The following EPHA5 variants were observed in gnomAD, a reference collection of about 807,000 sequenced individuals.
EPHA5 encodes the protein ephrin type-A receptor 5.
In EPHA5, 60 loss-of-function variants were observed where a neutral mutation model predicts 105.0. The ratio of observed to expected loss-of-function variants is 0.57; its 90% CI spans 0.46 to 0.71. The LOEUF (loss-of-function observed/expected upper bound fraction) is 0.71. EPHA5 is among the 30% of genes least tolerant of loss of function. The pLI, the probability that EPHA5 is intolerant of heterozygous loss-of-function variation, is 0.00. For missense variants in EPHA5, 1,218 were observed against 1,274.7 expected, an observed-to-expected ratio of 0.96 and a Z score of 0.68; for synonymous variants, 513 against 449.1, an observed-to-expected ratio of 1.14 and a Z score of -1.80.
At chr4:65,497,248 T>A (rs1578256362) in intron 3 of EPHA5, among the ~76,000 whole-genome samples, 1 of 152,278 alleles carries the variant, frequency 6.6e-6, no homozygotes, top group East Asian at 1.9e-4. Flanking sequence ...TGGGGCCAAC[T>A]TTCATATTCT....
intron 7 of EPHA5, among the ~76,000 whole-genome samples, chr4:65,413,674 A>G (rs1421712735): frequency 6.6e-6 from 1 of 152,202 alleles, no homozygotes; most frequent in African/African-American, 2.4e-5. Flanking sequence ...CTGTCTTCGA[A>G]TTCTTCTTTC....
intron 3 of EPHA5, among the ~76,000 whole-genome samples, chr4:65,557,898 G>A (rs1183561007): frequency 6.7e-6 from 1 of 148,354 alleles, no homozygotes; most frequent in African/African-American, 2.5e-5. Context: ...TTTTTTTTTA[G>A]ACGGAGTCTA....
intron 14 of EPHA5, among the ~76,000 whole-genome samples, chr4:65,347,215 T>G (rs1722306420): frequency 6.6e-6 from 1 of 152,170 alleles, no homozygotes; most frequent in Admixed American, 6.5e-5. Flanking sequence ...ATTATTAAAT[T>G]AAAACTGTTC....
intron 5 of EPHA5, among the ~76,000 whole-genome samples, chr4:65,440,499 TACACACAC>T (rs71657410): frequency 1.4e-5 from 2 of 143,434 alleles, no homozygotes; most frequent in African/African-American, 2.6e-5. Flanking sequence ...TCCTAAATCT[TACACACAC>T]ACACACACAC....
intron 2 of EPHA5, among the ~76,000 whole-genome samples, chr4:65,605,465 T>C (rs971747505): frequency 6.6e-6 from 1 of 152,146 alleles, no homozygotes; most frequent in African/African-American, 2.4e-5. Flanking sequence ...TACATCGTTT[T>C]TTCATGAAGA....
chr4:65,348,695 TATAAA>T (rs1560437925), intron 13 of EPHA5, among the ~76,000 whole-genome samples: 7 of 31,748 alleles, frequency 2.2e-4, no homozygotes, highest in East Asian at 1.6e-3. Flanking sequence ...TATATATATA[TATAAA>T]ATATATATGT....
chr4:65,422,484 A>T (rs1269978611), intron 5 of EPHA5, among the ~76,000 whole-genome samples: 1 of 152,084 alleles, frequency 6.6e-6, no homozygotes, highest in East Asian at 1.9e-4. Flanking sequence ...ATCAAATGAG[A>T]ATGATGACTT....
intron 1 of EPHA5, among the ~76,000 whole-genome samples, chr4:65,654,861 T>C (rs1748920411): frequency 6.8e-6 from 1 of 147,060 alleles, no homozygotes; most frequent in Non-Finnish European, 1.5e-5. Context: ...TATATGTATT[T>C]TAATATATAT....
At chr4:65,536,545 A>T (rs4860680) in intron 3 of EPHA5, among the ~76,000 whole-genome samples, 132,506 of 151,802 alleles carry the variant, frequency 0.87, 57,959 homozygotes, top group Admixed American at 0.9. Context: ...TCAATTTTAC[A>T]GTACTCCTTC....
chr4:65,607,056 A>T lies in EPHA5; in HGVS notation c.247-4752T>A, dbSNP rs187988666. ...ATAAAATATAGGTTTTAAATTTAAA[A>T]TATTTTTATATATCATTTATTGTGA... On this transcript the variant is annotated intron_variant, in intron 2 of 16. Transcript: ENST00000613740. Among the ~76,000 whole-genome samples, 22 of 152,296 alleles carry T rather than the reference A, an allele frequency of 1.4e-4. No individual in the cohort carries two copies. In the East Asian group the frequency reaches 2.5e-3, roughly 17 times the overall value.
intron 3 of EPHA5, among the ~76,000 whole-genome samples, chr4:65,581,979 T>C (rs1398000411): frequency 6.6e-6 from 1 of 151,802 alleles, no homozygotes; most frequent in Non-Finnish European, 1.5e-5. Flanking sequence ...TTTATGTGTG[T>C]GAGCACCTTT....
chr4:65,434,214 A>G (rs940160826), intron 5 of EPHA5, among the ~76,000 whole-genome samples: 4 of 152,138 alleles, frequency 2.6e-5, no homozygotes, highest in Non-Finnish European at 5.9e-5. Flanking sequence ...TAACCTACCA[A>G]TCTCAAGATC....
intron 8 of EPHA5, among the ~76,000 whole-genome samples, chr4:65,400,530 A>AT (rs1171841315): frequency 1.3e-5 from 2 of 152,070 alleles, no homozygotes; most frequent in Non-Finnish European, 2.9e-5. Context: ...GTTAAATAGG[A>AT]TTTTTCCTTC....
chr4:65,376,554 C>T (rs572012131), intron 8 of EPHA5, among the ~76,000 whole-genome samples: 129 of 152,010 alleles, frequency 8.5e-4, no homozygotes, highest in Non-Finnish European at 1.2e-3. Flanking sequence ...TCCAGTGCCA[C>T]GTGTATTCAC....
intron 2 of EPHA5, among the ~76,000 whole-genome samples, chr4:65,639,786 C>T (rs1283777068): frequency 6.6e-6 from 1 of 152,106 alleles, no homozygotes; most frequent in African/African-American, 2.4e-5. Context: ...TTCTGTTCCT[C>T]AGATTTGATT....
Position 65,623,579 on chromosome 4 carries a change from C to T in EPHA5, c.246+19784G>A, listed in dbSNP as rs142503306. Among the ~76,000 whole-genome samples the T allele has an allele frequency of 4.1e-3, 627 of 152,224 alleles. 4 individuals are homozygous for T. Among genetic ancestry groups the T allele is most frequent in the Non-Finnish European group, 7.2e-3 (489 of 68,012 alleles). On this transcript the variant is annotated intron_variant, in intron 2 of 16. Coordinates refer to ENST00000613740, the MANE Select transcript of EPHA5 (RefSeq NM_001281766.3). The stretch of plus-strand genomic sequence containing the variant: ...ATGAGGAGATACAGTGTTTCTCTTA[C>T]AGCTTTGCAAGATGGGTATATGAAG...
chr4:65,633,345 T>C (rs1560799551), intron 2 of EPHA5, among the ~76,000 whole-genome samples: 1 of 149,800 alleles, frequency 6.7e-6, no homozygotes, highest in African/African-American at 2.4e-5. Context: ...TCACAGGAAT[T>C]GAAAACAGCT....
intron 2 of EPHA5, among the ~76,000 whole-genome samples, chr4:65,622,656 G>C (rs867129812): frequency 3.3e-5 from 5 of 152,124 alleles, no homozygotes; most frequent in South Asian, 2.1e-4. Flanking sequence ...TAATGATGTG[G>C]TAGTGATAAC....
At chr4:65,328,269 C>G (rs963855692) in intron 16 of EPHA5, among the ~76,000 whole-genome samples, 10 of 151,162 alleles carry the variant, frequency 6.6e-5, no homozygotes, top group Non-Finnish European at 5.9e-5. Flanking sequence ...AGAAAAGCTT[C>G]AAATGTTATG....
Sources: gnomAD v4.1 joint callset for allele counts (sites outside exome capture counted in the v4.1 genomes callset) on GRCh38, gnomAD v4.1.1 for gene constraint, MANE v1.5 for transcripts, NCBI Gene and HGNC (gene_info 2026-07-23, HGNC 2026-07-21) for gene names.